The following THSD7B variants were observed in gnomAD, a reference collection of about 807,000 sequenced individuals.
THSD7B encodes thrombospondin type 1 domain containing 7B, also known as thrombospondin type-1 domain-containing protein 7B.
A neutral mutation model predicts 213.6 loss-of-function variants in THSD7B; 138 were observed. That is an observed-to-expected ratio of 0.65 (90% CI 0.56 to 0.74). The LOEUF (loss-of-function observed/expected upper bound fraction) is 0.74, where lower values mean the gene tolerates loss of function less well. Among genes scored for constraint, THSD7B ranks in the 30% least tolerant of loss-of-function variants. THSD7B has a pLI of 0.00. For missense variants in THSD7B, 1,931 were observed against 1,991.5 expected (o/e 0.97, Z 0.58); for synonymous variants, 742 against 687.0 (o/e 1.08, Z -1.25).
At chr2:136,797,095 T>A (rs908574148) in intron 1 of THSD7B, among the ~76,000 whole-genome samples, 1 of 151,860 alleles carries the variant, frequency 6.6e-6, no homozygotes, top group African/African-American at 2.4e-5. Context: ...GGAACTTTTT[T>A]TATAGAAACC....
At chr2:137,289,512 A>T (rs1276943873) in intron 12 of THSD7B, among the ~76,000 whole-genome samples, 3 of 152,140 alleles carry the variant, frequency 2.0e-5, no homozygotes, top group Non-Finnish European at 2.9e-5. Context: ...TTTTTAAAAA[A>T]TATGTGTGTG....
rs183646128 is a variant in THSD7B at position 137,332,091 on chromosome 2, C to T, written c.2500+56065C>T. ...GTGGGCTGAAGGGCTCCTCAAGTGC[C>T]GCCAAAGTGGAAGCCCAGGCAGAGG... On this transcript the variant is annotated intron_variant, in intron 12 of 27. Transcript: ENST00000409968. Among the ~76,000 whole-genome samples, 7 of 152,254 alleles carry T rather than the reference C, an allele frequency of 4.6e-5. 1 individual carries two copies. The East Asian group carries it at 5.8e-4, about 13-fold the overall frequency.
At chr2:137,092,972 C>T (rs1258311125) in intron 3 of THSD7B, among the ~76,000 whole-genome samples, 1 of 152,188 alleles carries the variant, frequency 6.6e-6, no homozygotes, top group Non-Finnish European at 1.5e-5. Flanking sequence ...TCAGAGGAAC[C>T]ATTACCAAAA....
chr2:136,954,786 TTATAC>T (rs929960026), intron 2 of THSD7B, among the ~76,000 whole-genome samples: 2 of 151,794 alleles, frequency 1.3e-5, no homozygotes, highest in African/African-American at 2.4e-5. Context: ...CTTTTGACTG[TTATAC>T]TAGACTGTGA....
chr2:137,031,521 A>G lies in THSD7B; in HGVS notation c.140-24899A>G, dbSNP rs114476351. Among the ~76,000 whole-genome samples the G allele has an allele frequency of 2.4e-3, 373 of 152,296 alleles. 4 individuals carry two copies. Among genetic ancestry groups the G allele is most frequent in the African/African-American group, 8.7e-3 (363 of 41,544 alleles). On this transcript the variant is annotated intron_variant, in intron 2 of 27. Coordinates refer to ENST00000409968, the MANE Select transcript of THSD7B (RefSeq NM_001316349.2). ...GACTGTAATCTCCATGTGGACAAGC[A>G]TATGAAAGTTTTGTTCATCGGTACA...
chr2:136,979,598 G>C (rs1320912184), intron 2 of THSD7B, among the ~76,000 whole-genome samples: 2 of 152,068 alleles, frequency 1.3e-5, no homozygotes, highest in African/African-American at 4.8e-5. Context: ...GCATTGTGAA[G>C]TTCTCAAGTT....
At position 137,282,866 on chromosome 2, in the gene THSD7B, T is replaced by C. The variant is rs1480316175; in HGVS notation, c.2500+6840T>C. 2.3e-4 allele frequency among the ~76,000 whole-genome samples: 35 copies of C among 152,306 alleles called. 1 individual carries two copies. Among genetic ancestry groups the C allele is most frequent in the Admixed American group, 2.3e-3 (35 of 15,296 alleles). On this transcript the variant is annotated intron_variant, in intron 12 of 27. Coordinates refer to ENST00000409968, the MANE Select transcript of THSD7B (RefSeq NM_001316349.2). ...TGCCTCCAGCTTTGTTCTTTTGACT[T>C]AGGATTGACTTGGCAATGTGGGCTC...
rs182649947 is a variant in THSD7B at position 137,623,165 on chromosome 2, C to T, written c.3799+2439C>T. On this transcript the variant is annotated intron_variant, in intron 20 of 27. Transcript: ENST00000409968. The stretch of plus-strand genomic sequence containing the variant: ...GGACTTCATCCCTGGGATGCAAGGC[C>T]GGTTCAACATATGCGAATCAATAAA... 2.7e-3 allele frequency among the ~76,000 whole-genome samples: 409 copies of T among 152,144 alleles called. 2 individuals carry two copies. Among genetic ancestry groups the T allele is most frequent in the African/African-American group, 9.4e-3 (390 of 41,508 alleles).
intron 12 of THSD7B, among the ~76,000 whole-genome samples, chr2:137,399,043 CA>C (rs1479008811): frequency 1.3e-5 from 2 of 152,128 alleles, no homozygotes; most frequent in African/African-American, 4.8e-5. Context: ...TGCGCGCACC[CA>C]CTGACCTGCG....
chr2:137,059,774 A>G (rs867978181), intron 3 of THSD7B, among the ~76,000 whole-genome samples: 1 of 152,146 alleles, frequency 6.6e-6, no homozygotes, highest in South Asian at 2.1e-4. Context: ...TCATTCACCT[A>G]CTGAAGTACA....
At chr2:137,155,226 A>G (rs563070197) in intron 5 of THSD7B, among the ~76,000 whole-genome samples, 92 of 152,260 alleles carry the variant, frequency 6.0e-4, no homozygotes, top group African/African-American at 2.2e-3. Flanking sequence ...GGGGATTAAC[A>G]TTGCTGTCTA....
intron 2 of THSD7B, among the ~76,000 whole-genome samples, chr2:136,960,584 T>C (rs1196103863): frequency 6.6e-6 from 1 of 152,164 alleles, no homozygotes; most frequent in Non-Finnish European, 1.5e-5. Flanking sequence ...TTGATATGGG[T>C]TACTTCAAAA....
chr2:137,024,387 A>G (rs1013955950), intron 2 of THSD7B, among the ~76,000 whole-genome samples: 2 of 152,158 alleles, frequency 1.3e-5, no homozygotes, highest in African/African-American at 4.8e-5. Context: ...AGCCTGAGGC[A>G]GGGTGGGGTT....
rs143129974 is a variant in THSD7B, at chr2:136,878,017, C to T, written c.-35-4127C>T. 9.8e-3 allele frequency among the ~76,000 whole-genome samples: 1,490 copies of T among 152,058 alleles called. 25 individuals are homozygous for T. Among genetic ancestry groups the T allele is most frequent in the African/African-American group, 0.034 (1,403 of 41,458 alleles). On this transcript the variant is annotated intron_variant, in intron 1 of 27. Transcript: ENST00000409968. Reference sequence around the variant, plus strand: ...ACATGTGCCATGATGGTGTGCTGCACCCATTAACTCGTCATTTACATTAGG... The same window carrying T: ...ACATGTGCCATGATGGTGTGCTGCATCCATTAACTCGTCATTTACATTAGG...
intron 17 of THSD7B, among the ~76,000 whole-genome samples, chr2:137,593,879 C>T (rs1005365138): frequency 5.3e-5 from 8 of 151,638 alleles, no homozygotes; most frequent in Admixed American, 4.6e-4. Flanking sequence ...TTCATCTTTT[C>T]TTCTAAAAGT....
intron 2 of THSD7B, among the ~76,000 whole-genome samples, chr2:136,889,825 C>T (rs937696747): frequency 6.6e-6 from 1 of 152,154 alleles, no homozygotes; most frequent in Non-Finnish European, 1.5e-5. Context: ...CTTTTGCTCT[C>T]GATCATCTTG....
intron 2 of THSD7B, among the ~76,000 whole-genome samples, chr2:136,974,075 A>C (rs1685443434): frequency 6.6e-6 from 1 of 152,156 alleles, no homozygotes; most frequent in South Asian, 2.1e-4. Context: ...ATTTATTTTC[A>C]TCTTGCCATT....
At chr2:137,626,390 G>A (rs1376562816) in intron 20 of THSD7B, among the ~76,000 whole-genome samples, 11 of 150,882 alleles carry the variant, frequency 7.3e-5, no homozygotes, top group African/African-American at 1.7e-4. Context: ...CGTGAACCCC[G>A]GAGGCGGAGC....
At chr2:137,412,058 G>A (rs750552366) in intron 14 of THSD7B, among the ~76,000 whole-genome samples, 186 bp downstream of exon 14, 1 of 152,106 alleles carries the variant, frequency 6.6e-6, no homozygotes, top group Non-Finnish European at 1.5e-5. Context: ...ATGATTATCT[G>A]GAATGTGATG....
Sources: allele counts gnomAD v4.1 joint callset (sites outside exome capture counted in the v4.1 genomes callset), GRCh38; gene constraint gnomAD v4.1.1; transcripts MANE v1.5; gene names NCBI Gene and HGNC (gene_info 2026-07-23, HGNC 2026-07-21).